The following TTC21A variants were observed in gnomAD, a reference collection of about 807,000 sequenced individuals.
TTC21A encodes the protein tetratricopeptide repeat protein 21A.
In TTC21A, 128 loss-of-function variants were observed where a neutral mutation model predicts 156.4. The ratio of observed to expected loss-of-function variants is 0.82; its 90% confidence interval spans 0.71 to 0.95. The LOEUF is 0.95. TTC21A is among the 40% of genes least tolerant of loss of function. The pLI, the probability that TTC21A is intolerant of heterozygous loss-of-function variation, is 0.00. For synonymous variants in TTC21A, 587 were observed against 617.1 expected (o/e 0.95, Z 0.72); for missense variants, 1,435 against 1,602.3 (o/e 0.90, Z 1.78).
chr3:39,112,641 C>T, intron 5 of TTC21A, 61 bp downstream of exon 5: 1 of 1,594,424 alleles, frequency 6.3e-7, no homozygotes. Flanking sequence ...AACCAGAGAC[C>T]CACCAGGTAC....
At chr3:39,137,930 A>C in intron 26 of TTC21A, 2 of 623,852 alleles carry the variant, frequency 3.2e-6, no homozygotes, top group Non-Finnish European at 5.6e-6. Context: ...TGTTATGTCC[A>C]GAGGAGGGAA....
At chr3:39,126,742 C>T (rs1458341337) in intron 12 of TTC21A, among the ~76,000 whole-genome samples, 1 of 152,196 alleles carries the variant, frequency 6.6e-6, no homozygotes, top group Non-Finnish European at 1.5e-5. Context: ...CCTGACCTCT[C>T]ACCAGCAGGG....
chr3:39,138,240 A>T, intron 26 of TTC21A, 27 bp from the exon 27 acceptor site: 1 of 1,613,652 alleles, frequency 6.2e-7, no homozygotes, highest in Non-Finnish European at 8.5e-7. Flanking sequence ...TCCGCTCTGC[A>T]GAGGCTCTAA....
chr3:39,136,171 C>G lies in TTC21A; in HGVS notation c.2945-186C>G, dbSNP rs116069845. 0.019 allele frequency: 10,624 copies of G among 555,758 alleles called. 159 individuals carry two copies. The highest frequency in any genetic ancestry group is 0.026 in the Non-Finnish European group (8,282 of 318,600). The allele number at this position is 555,758 out of a possible 1,614,324, so 34.4% of individuals were successfully genotyped here. A position where few individuals can be genotyped will look rare whatever the true frequency, so the allele number is the denominator to read the frequency against. On this transcript the variant is annotated intron_variant, in intron 22 of 28. Coordinates refer to ENST00000683103, the MANE Select transcript of TTC21A (RefSeq NM_001366900.1). Reference sequence around the variant, plus strand: ...TATAAGTGTTAGCTGCTATTCTTTACTATTTTTAAGCATTAGTATTATTCT... The same window carrying G: ...TATAAGTGTTAGCTGCTATTCTTTAGTATTTTTAAGCATTAGTATTATTCT...
In TTC21A at chr3:39,125,138, A is replaced by G; in HGVS notation, c.1169A>G (p.Gln390Arg). The G allele has an allele frequency of 6.2e-7, 1 of 1,613,904 alleles. No homozygotes were observed. Among genetic ancestry groups the G allele is most frequent in the Middle Eastern group, 1.7e-4 (1 of 5,894 alleles). ...EYRLEFLKEV[Q>R]KSLGKSEVLI... is the part of the protein sequence containing the mutation. ...CGGCTGGAATTCCTGAAGGAGGTGC[A>G]GAAGTCCCTTGGGAAGTCTGAGGTC... is the stretch of plus-strand genomic sequence containing the variant. The change falls in exon 10 of 29, where the codon CAG (glutamine) becomes CGG (arginine). Residue 390 changes from glutamine (Q) to arginine (R), a missense_variant. Gln to Arg is a conservative substitution (Grantham distance 43). Coordinates refer to ENST00000683103, the MANE Select transcript of TTC21A (RefSeq NM_001366900.1).
At chr3:39,111,295 C>A (rs1386611072) in intron 4 of TTC21A, among the ~76,000 whole-genome samples, 3 of 152,202 alleles carry the variant, frequency 2.0e-5, no homozygotes, top group Admixed American at 1.3e-4. Flanking sequence ...TCACTGCAGC[C>A]TCAACCTCCT....
chr3:39,108,904 A>G (rs1028111237), intron 1 of TTC21A, among the ~76,000 whole-genome samples, 181 bp from the exon 2 acceptor site: 15 of 152,212 alleles, frequency 9.9e-5, no homozygotes, highest in African/African-American at 3.1e-4. Context: ...GGAAAACTGC[A>G]TGGAGCTGCT....
chr3:39,126,223 G>A, intron 11 of TTC21A, 38 bp from the exon 12 acceptor site: 2 of 1,612,878 alleles, frequency 1.2e-6, no homozygotes, highest in East Asian at 2.2e-5. Context: ...TTAGAATAGG[G>A]CAAACCTACT....
chr3:39,119,631 CAA>C (rs56678795), intron 7 of TTC21A: 355 of 132,232 alleles, frequency 2.7e-3, no homozygotes, highest in South Asian at 6.1e-3. Flanking sequence ...AAGGAGCAGT[CAA>C]AAAAAAAAAA....
At chr3:39,126,162 A>G in intron 11 of TTC21A, 99 bp from the exon 12 acceptor site, 1 of 1,472,764 alleles carries the variant, frequency 6.8e-7, no homozygotes, top group African/African-American at 1.4e-5. Context: ...GTGTGGAATG[A>G]AGCAAAATTC....
chr3:39,112,645 C>T (rs1245445389), intron 5 of TTC21A, 65 bp downstream of exon 5: 2 of 1,587,124 alleles, frequency 1.3e-6, no homozygotes, highest in Non-Finnish European at 1.7e-6. Flanking sequence ...AGAGACCCAC[C>T]AGGTACCCCC....
chr3:39,136,555 T>C (rs749473757), intron 23 of TTC21A, 48 bp downstream of exon 23: 44 of 1,592,106 alleles, frequency 2.8e-5, no homozygotes, highest in Non-Finnish European at 3.7e-5. Flanking sequence ...CAGGAAGCCC[T>C]ACTGGCAGAT....
At chr3:39,127,850 T>C (rs1319332147) in intron 12 of TTC21A, among the ~76,000 whole-genome samples, 1 of 152,204 alleles carries the variant, frequency 6.6e-6, no homozygotes, top group Non-Finnish European at 1.5e-5. Flanking sequence ...AGGTACCACA[T>C]CTGAAAAGAC....
At position 39,125,503 on chromosome 3, in the gene TTC21A, A is replaced by C; in HGVS notation, c.1363A>C (p.Lys455Gln). Residue 455 changes from lysine (K) to glutamine (Q), a missense_variant, in exon 11 of 29, where the codon AAG becomes CAG. Physicochemically the swap from Lys to Gln is moderately conservative, Grantham distance 53. Transcript: ENST00000683103. ...LDPYFLVCIA[K>Q]EYLLFCPKQP... ...CCCGTACTTCCTGGTCTGCATTGCT[A>C]AGGAGTACTTGCTCTTCTGCCCCAA... is the stretch of plus-strand genomic sequence containing the variant. The C allele has an allele frequency of 6.2e-7, 1 of 1,613,796 alleles. No homozygotes were observed.
At position 39,128,320 on chromosome 3, in the gene TTC21A, A is replaced by G; in HGVS notation, c.1523-11A>G. On this transcript the variant is annotated splice_polypyrimidine_tract_variant and intron_variant, in intron 12 of 28. Coordinates refer to ENST00000683103, the MANE Select transcript of TTC21A (RefSeq NM_001366900.1). ...GAACCCTGCATGTAGAGGTTTGTGT[A>G]TTATTTCTAGGAGAGCTAGAGAATG... is the stretch of plus-strand genomic sequence containing the variant. 6.2e-7 allele frequency: 1 copy of G among 1,613,534 alleles called. No individual in the cohort carries two copies. Among genetic ancestry groups the G allele is most frequent in the East Asian group, 2.2e-5 (1 of 44,884 alleles).
chr3:39,137,136 T>A, intron 24 of TTC21A, 59 bp from the exon 25 acceptor site: 1 of 1,599,786 alleles, frequency 6.3e-7, no homozygotes, highest in Non-Finnish European at 8.5e-7. Flanking sequence ...TGAAGCCAGG[T>A]GAGGGCCACA....
intron 22 of TTC21A, 56 bp from the exon 23 acceptor site, chr3:39,136,301 C>G: frequency 6.4e-7 from 1 of 1,568,918 alleles, no homozygotes; most frequent in South Asian, 1.2e-5. Context: ...CCAGCACCCT[C>G]ATCTGATAAC....
At chr3:39,110,281 G>A in intron 3 of TTC21A, 142 bp downstream of exon 3, 1 of 714,866 alleles carries the variant, frequency 1.4e-6, no homozygotes, top group Non-Finnish European at 2.5e-6. Context: ...GTGAGAAGTG[G>A]CTGCTGCTCC....
Position 39,133,189 on chromosome 3 carries a change from G to A in TTC21A, c.2700G>A (p.Lys900=). Residue 900 remains lysine, a synonymous_variant, in exon 20 of 29, where the codon AAG becomes AAA. Transcript: ENST00000683103. The stretch of plus-strand genomic sequence containing the variant: ...ACCTGGCAGAGAAAGAGTATGACAA[G>A]GCGGTACAGTCTTATAAGGATGTCT... ...EHYLAEKEYD[K]AVQSYKDVFS... is the part of the protein sequence containing the mutation. The A allele has an allele frequency of 6.2e-7, 1 of 1,614,248 alleles. No homozygotes were observed. Among genetic ancestry groups the A allele is most frequent in the Non-Finnish European group, 8.5e-7 (1 of 1,180,048 alleles).
Sources: allele counts gnomAD v4.1 joint callset (sites outside exome capture counted in the v4.1 genomes callset), GRCh38; gene constraint gnomAD v4.1.1; transcripts MANE v1.5; gene names NCBI Gene and HGNC (gene_info 2026-07-23, HGNC 2026-07-21).